The following LRMDA variants were observed in gnomAD, a reference collection of about 807,000 sequenced individuals.
LRMDA encodes leucine rich melanocyte differentiation associated.
A neutral mutation model predicts 29.8 loss-of-function variants in LRMDA; 18 were observed. The ratio of observed to expected loss-of-function variants is 0.60; its 90% CI spans 0.42 to 0.90. LRMDA has a LOEUF of 0.90. Among genes scored for constraint, LRMDA ranks in the 40% least tolerant of loss-of-function variants. The probability of loss-of-function intolerance (pLI) is 0.00; values close to 1 mark genes in which losing one functional copy is unlikely to be tolerated. For missense variants in LRMDA, 273 were observed against 273.9 expected, an observed-to-expected ratio of 1.00 and a Z score of 0.02; for synonymous variants, 125 against 109.4, an observed-to-expected ratio of 1.14 and a Z score of -0.89.
chr10:75,814,697 C>T (rs1844027517), intron 2 of LRMDA, among the ~76,000 whole-genome samples: 1 of 152,142 alleles, frequency 6.6e-6, no homozygotes, highest in Non-Finnish European at 1.5e-5. Flanking sequence ...CTCTTGGTAT[C>T]AAGCCCAGTG....
chr10:76,045,214 T>TTAGTTTCCCTCTCTTGC (rs1848414211), intron 3 of LRMDA, among the ~76,000 whole-genome samples: 2 of 149,536 alleles, frequency 1.3e-5, no homozygotes, highest in African/African-American at 5.0e-5. Context: ...CGCCCTCTGG[T>TTAGTTTCCCTCTCTTGC]TAGTTTCCCT....
chr10:75,693,023 C>CTACA (rs1325172406), intron 2 of LRMDA, among the ~76,000 whole-genome samples: 3 of 152,114 alleles, frequency 2.0e-5, no homozygotes, highest in Non-Finnish European at 4.4e-5. Context: ...GAGCATAGAG[C>CTACA]TACATCCTCC....
chr10:76,505,104 T>C (rs1842945984), intron 6 of LRMDA, among the ~76,000 whole-genome samples: 2 of 151,954 alleles, frequency 1.3e-5, no homozygotes, highest in South Asian at 4.1e-4. Flanking sequence ...AATTTCTTTT[T>C]TTTTTTTTAA....
At chr10:75,633,973 C>G (rs1373298301) in intron 2 of LRMDA, among the ~76,000 whole-genome samples, 6 of 152,190 alleles carry the variant, frequency 3.9e-5, no homozygotes, top group Admixed American at 3.9e-4. Flanking sequence ...ATTATAGTGG[C>G]TTCACCCACA....
intron 6 of LRMDA, among the ~76,000 whole-genome samples, chr10:76,548,450 CAAA>C (rs11340326): frequency 6.8e-4 from 93 of 137,662 alleles, no homozygotes; most frequent in Non-Finnish European, 6.9e-4. Flanking sequence ...TGGCTTGGAC[CAAA>C]AAAAAAAAAA....
chr10:75,829,841 C>CA (rs1194766172), intron 2 of LRMDA, among the ~76,000 whole-genome samples: 1 of 89,472 alleles, frequency 1.1e-5, no homozygotes, highest in Non-Finnish European at 2.2e-5. Flanking sequence ...GAATAGGCCA[C>CA]TTTTTTTTTT....
At chr10:76,452,307 G>A (rs997739984) in intron 6 of LRMDA, among the ~76,000 whole-genome samples, 98 of 152,124 alleles carry the variant, frequency 6.4e-4, no homozygotes, top group African/African-American at 2.2e-3. Context: ...GATTGCAGCA[G>A]GGATGTGGGA....
chr10:76,101,020 T>C (rs1849386674), intron 5 of LRMDA, among the ~76,000 whole-genome samples: 1 of 152,216 alleles, frequency 6.6e-6, no homozygotes, highest in African/African-American at 2.4e-5. Context: ...AGAGGCCCCA[T>C]CTTCCTCCCA....
At chr10:76,107,272 C>G (rs557360807) in intron 5 of LRMDA, among the ~76,000 whole-genome samples, 2 of 152,292 alleles carry the variant, frequency 1.3e-5, no homozygotes, top group African/African-American at 4.8e-5. Flanking sequence ...CTGGGCCTCA[C>G]CCCTAAAGTT....
intron 2 of LRMDA, among the ~76,000 whole-genome samples, chr10:75,621,228 A>ACC (rs1841181519): frequency 7.4e-6 from 1 of 134,284 alleles, no homozygotes; most frequent in South Asian, 2.4e-4. Context: ...ACACACACCC[A>ACC]CACACCCACA....
chr10:75,679,026 C>T (rs1266687789), intron 2 of LRMDA, among the ~76,000 whole-genome samples: 2 of 152,140 alleles, frequency 1.3e-5, no homozygotes, highest in African/African-American at 4.8e-5. Context: ...CCTACCTCAC[C>T]ATCATTAAAC....
Position 76,345,324 on chromosome 10 carries a change from G to A in LRMDA, c.601+20839G>A, listed in dbSNP as rs542757249. Among the ~76,000 whole-genome samples, 993 of 150,298 alleles carry A rather than the reference G, an allele frequency of 6.6e-3. 17 individuals are homozygous for A. The highest frequency in any genetic ancestry group is 0.022 in the African/African-American group (903 of 41,136). ...CCTGACCTCGTGATCCGCCCGCCTC[G>A]GCCTCCCAAAGTGCTGGGATTACAG... On this transcript the variant is annotated intron_variant, in intron 6 of 6. Transcript: ENST00000611255.
chr10:75,574,989 G>A (rs565173609), intron 2 of LRMDA, among the ~76,000 whole-genome samples: 6 of 152,304 alleles, frequency 3.9e-5, no homozygotes, highest in Non-Finnish European at 7.4e-5. Flanking sequence ...GGAGGCTGCA[G>A]GAAGCTTCCA....
intron 2 of LRMDA, among the ~76,000 whole-genome samples, chr10:75,736,683 A>ATCGCG: frequency 6.6e-6 from 1 of 152,254 alleles, no homozygotes; most frequent in East Asian, 1.9e-4. Flanking sequence ...CAGCAGCAGC[A>ATCGCG]TCGGCTTCAA....
intron 6 of LRMDA, among the ~76,000 whole-genome samples, chr10:76,401,702 C>T (rs1459839577): frequency 6.6e-6 from 1 of 152,116 alleles, no homozygotes; most frequent in Admixed American, 6.5e-5. Context: ...CTGGGAGGAT[C>T]TGTACTTGCT....
chr10:75,904,170 G>A (rs771630207), intron 2 of LRMDA, among the ~76,000 whole-genome samples: 12 of 152,176 alleles, frequency 7.9e-5, no homozygotes, highest in Admixed American at 4.6e-4. Flanking sequence ...TCTATGATAA[G>A]TAGGGAGAGC....
intron 2 of LRMDA, among the ~76,000 whole-genome samples, chr10:75,452,323 G>T (rs1278079750): frequency 1.3e-5 from 2 of 152,106 alleles, no homozygotes. Context: ...TGTTTATCGC[G>T]CGTCTCTGTT....
At chr10:75,554,124 C>A (rs1435223277) in intron 2 of LRMDA, among the ~76,000 whole-genome samples, 1 of 152,116 alleles carries the variant, frequency 6.6e-6, no homozygotes, top group Non-Finnish European at 1.5e-5. Flanking sequence ...CTTGCAACCT[C>A]AGCTCTCTGA....
chr10:75,778,104 G>T (rs1404394531), intron 2 of LRMDA, among the ~76,000 whole-genome samples: 1 of 151,908 alleles, frequency 6.6e-6, no homozygotes, highest in African/African-American at 2.4e-5. Flanking sequence ...TTGAGACAGG[G>T]TCTCACTCTG....
Sources: gnomAD v4.1 joint callset for allele counts (sites outside exome capture counted in the v4.1 genomes callset) on GRCh38, gnomAD v4.1.1 for gene constraint, MANE v1.5 for transcripts, NCBI Gene and HGNC (gene_info 2026-07-23, HGNC 2026-07-21) for gene names.